The following CDH18 variants were observed in gnomAD, a reference collection of about 807,000 sequenced individuals.
The protein encoded by CDH18 is cadherin 18.
CDH18 carries 31 observed loss-of-function variants against 67.9 expected under a neutral mutation model. The observed-to-expected ratio is 0.46, with a 90% CI of 0.34 to 0.62. The LOEUF (loss-of-function observed/expected upper bound fraction) is 0.62, where lower values mean the gene tolerates loss of function less well. Among genes scored for constraint, CDH18 ranks in the 20% least tolerant of loss-of-function variants. CDH18 has a pLI of 0.01. For synonymous variants in CDH18, 362 were observed against 347.2 expected (o/e 1.04, Z -0.48); for missense variants, 890 against 975.5 (o/e 0.91, Z 1.17).
At chr5:20,307,458 T>C (rs1736573076) in intron 1 of CDH18, among the ~76,000 whole-genome samples, 3 of 152,178 alleles carry the variant, frequency 2.0e-5, no homozygotes, top group African/African-American at 7.2e-5. Flanking sequence ...TGCAGATTTT[T>C]CTGTCACATC....
intron 5 of CDH18, among the ~76,000 whole-genome samples, chr5:19,676,547 A>G (rs546140450): frequency 4.6e-5 from 7 of 152,132 alleles, no homozygotes; most frequent in African/African-American, 1.7e-4. Context: ...TGTTAATATT[A>G]ACGTGTTAAT....
intron 1 of CDH18, among the ~76,000 whole-genome samples, chr5:20,307,523 G>C (rs1320056811): frequency 6.6e-6 from 1 of 152,164 alleles, no homozygotes; most frequent in Non-Finnish European, 1.5e-5. Context: ...CACTAGAGAA[G>C]ACATGAATTC....
chr5:19,638,740 G>C lies in CDH18; in HGVS notation c.644-26139C>G, dbSNP rs1753533452. Among the ~76,000 whole-genome samples the C allele has an allele frequency of 2.6e-5, 4 of 151,604 alleles. No individual in the cohort carries two copies. In the South Asian group the frequency reaches 8.3e-4, roughly 32 times the overall value. The stretch of plus-strand genomic sequence containing the variant: ...TCAGGAGTTCAGTTAAAAAGCTGCA[G>C]CAACACAGTAAAGAAAAAAGACTAA... On this transcript the variant is annotated intron_variant, in intron 5 of 12. Coordinates refer to ENST00000382275, the MANE Select transcript of CDH18 (RefSeq NM_004934.5).
intron 2 of CDH18, among the ~76,000 whole-genome samples, chr5:20,101,351 C>T (rs1746449423): frequency 6.6e-6 from 1 of 152,140 alleles, no homozygotes. Flanking sequence ...TCATTGACAG[C>T]ATCATTCAGA....
intron 2 of CDH18, among the ~76,000 whole-genome samples, chr5:20,168,141 G>T (rs1208602462): frequency 2.0e-5 from 3 of 151,986 alleles, no homozygotes; most frequent in African/African-American, 7.3e-5. Flanking sequence ...ACGTAATTTT[G>T]CTTCACCAAG....
At chr5:19,863,396 C>CT (rs1338169992) in intron 2 of CDH18, among the ~76,000 whole-genome samples, 7 of 152,312 alleles carry the variant, frequency 4.6e-5, no homozygotes, top group South Asian at 4.1e-4. Context: ...ACCCAACACA[C>CT]TACAGGTGAG....
At chr5:20,488,670 G>GTTTT (rs199549514) in intron 1 of CDH18, among the ~76,000 whole-genome samples, 1 of 74,046 alleles carries the variant, frequency 1.4e-5, no homozygotes, top group Non-Finnish European at 2.7e-5. Flanking sequence ...GAGGGGTAGT[G>GTTTT]TTTTATATAT....
rs191416167 is a variant in CDH18 at position 20,000,199 on chromosome 5, G to A, written c.-517-8185C>T. Among the ~76,000 whole-genome samples, 474 of 152,238 alleles carry A rather than the reference G, an allele frequency of 3.1e-3. 3 individuals are homozygous for A. Among genetic ancestry groups the A allele is most frequent in the African/African-American group, 0.011 (444 of 41,544 alleles). On this transcript the variant is annotated intron_variant, in intron 2 of 14. Transcript: ENST00000507958. ...ATGGCGTTGGCCTAGTGGGGATACT[G>A]TCTACACAATCCAAGATTTTTAATA...
chr5:19,519,692 C>A (rs1746584261), intron 10 of CDH18, among the ~76,000 whole-genome samples: 1 of 152,120 alleles, frequency 6.6e-6, no homozygotes, highest in Admixed American at 6.6e-5. Context: ...CAGGCTTGCT[C>A]CTCTTATTTG....
At chr5:19,852,691 T>C (rs1221168424) in intron 2 of CDH18, among the ~76,000 whole-genome samples, 1 of 152,078 alleles carries the variant, frequency 6.6e-6, no homozygotes, top group East Asian at 1.9e-4. Flanking sequence ...TATTCCCTTT[T>C]TATTTTCTCA....
At chr5:20,167,533 C>G (rs909318142) in intron 2 of CDH18, among the ~76,000 whole-genome samples, 1 of 151,910 alleles carries the variant, frequency 6.6e-6, no homozygotes, top group African/African-American at 2.4e-5. Context: ...AGAGAACTAT[C>G]TTGATAATAC....
At chr5:19,530,680 G>A (rs971224480) in intron 9 of CDH18, among the ~76,000 whole-genome samples, 16 of 152,110 alleles carry the variant, frequency 1.1e-4, no homozygotes, top group East Asian at 5.8e-4. Flanking sequence ...GAGAACATGC[G>A]GTGTTTGGCT....
At chr5:19,875,331 T>C (rs1338359211) in intron 2 of CDH18, among the ~76,000 whole-genome samples, 1 of 152,142 alleles carries the variant, frequency 6.6e-6, no homozygotes, top group Non-Finnish European at 1.5e-5. Flanking sequence ...TTTTGCCTTT[T>C]ACCTATGTAA....
chr5:19,547,808 CAA>C (rs1322665549), intron 8 of CDH18, among the ~76,000 whole-genome samples: 1 of 152,122 alleles, frequency 6.6e-6, no homozygotes, highest in Non-Finnish European at 1.5e-5. Flanking sequence ...TGCTTGGATC[CAA>C]AGAGTCTTAT....
intron 5 of CDH18, among the ~76,000 whole-genome samples, chr5:19,639,399 C>G: frequency 6.6e-6 from 1 of 152,134 alleles, no homozygotes; most frequent in Non-Finnish European, 1.5e-5. Context: ...GGTGGATGCC[C>G]TAACAGCCTG....
chr5:20,195,633 C>T (rs4866168), intron 2 of CDH18, among the ~76,000 whole-genome samples: 105,838 of 151,780 alleles, frequency 0.7, 37,558 homozygotes, highest in African/African-American at 0.84. Flanking sequence ...AATAAATATG[C>T]TATCCTTAAG....
intron 2 of CDH18, among the ~76,000 whole-genome samples, chr5:20,144,909 T>C (rs186506179): frequency 6.6e-6 from 1 of 152,100 alleles, no homozygotes; most frequent in East Asian, 1.9e-4. Context: ...AAAGTAGAGA[T>C]TGAGGTGATG....
intron 3 of CDH18, among the ~76,000 whole-genome samples, chr5:19,750,994 G>A (rs1050653261): frequency 7.2e-5 from 11 of 151,990 alleles, no homozygotes; most frequent in Non-Finnish European, 1.0e-4. Flanking sequence ...GAACGGCAAA[G>A]GAATGAGGGG....
intron 1 of CDH18, among the ~76,000 whole-genome samples, chr5:20,280,269 T>A (rs1580654540): frequency 6.6e-6 from 1 of 152,158 alleles, no homozygotes; most frequent in Non-Finnish European, 1.5e-5. Context: ...GCAGGTCTGT[T>A]ACATATGTAC....
Sources: allele counts gnomAD v4.1 joint callset (sites outside exome capture counted in the v4.1 genomes callset), GRCh38; gene constraint gnomAD v4.1.1; transcripts MANE v1.5; gene names NCBI Gene and HGNC (gene_info 2026-07-23, HGNC 2026-07-21).